The following CDH7 variants were observed in gnomAD, a reference collection of about 807,000 sequenced individuals.
CDH7 encodes cadherin-7.
Under a neutral mutation model 71.8 loss-of-function variants are expected in CDH7, and 25 were observed. The observed-to-expected ratio is 0.35, with a 90% CI of 0.25 to 0.49. CDH7 has a LOEUF of 0.49. CDH7 is among the 20% of genes least tolerant of loss of function. The pLI is 0.99. For missense variants in CDH7, 862 were observed against 974.6 expected, an observed-to-expected ratio of 0.88 and a Z score of 1.54; for synonymous variants, 381 against 363.8, an observed-to-expected ratio of 1.05 and a Z score of -0.54.
rs139689623 is a variant in CDH7, at chr18:65,843,780, T to C, written c.982-32T>C. 1.5e-3 allele frequency: 2,226 copies of C among 1,470,414 alleles called. 39 individuals carry two copies. Among genetic ancestry groups the C allele is most frequent in the African/African-American group, 5.5e-3 (385 of 69,994 alleles). 91.1% of individuals were successfully genotyped at this position (1,470,414 alleles called of 1,614,324 possible). On this transcript the variant is annotated intron_variant, in intron 6 of 11. Transcript: ENST00000397968. The stretch of plus-strand genomic sequence containing the variant: ...TCTGCTTTGCTGACTGTTTAACCGG[T>C]AATTTAATTTTCCTAACGACTTTCT...
At chr18:65,808,163 T>C (rs1484717) in intron 2 of CDH7, among the ~76,000 whole-genome samples, 90,328 of 152,132 alleles carry the variant, frequency 0.59, 28,847 homozygotes, top group East Asian at 0.97. Context: ...TCTACCCATG[T>C]AACAAACCTT....
chr18:65,781,866 C>CTCTCTG (rs1910244026), intron 2 of CDH7, among the ~76,000 whole-genome samples: 1 of 59,710 alleles, frequency 1.7e-5, no homozygotes, highest in East Asian at 4.6e-4. Context: ...TTCTTTCTTT[C>CTCTCTG]TCTCTCTCTC....
At position 65,883,321 on chromosome 18, in the gene CDH7, A is replaced by C. The variant is rs1393767705; in HGVS notation, c.*2427A>C. 1.3e-5 allele frequency: 2 copies of C among 151,942 alleles called. No homozygotes were observed. Among genetic ancestry groups the C allele is most frequent in the Non-Finnish European group, 2.9e-5 (2 of 67,934 alleles). 9.4% of individuals were successfully genotyped at this position (151,942 alleles called of 1,614,324 possible). A position where few individuals can be genotyped will look rare whatever the true frequency, so the allele number is the denominator to read the frequency against. ...ATTTATATGAAGTATTCTAAGCTTA[A>C]TTGTAATAGTAGTAAATTTTTTGCC... On this transcript the variant is annotated 3_prime_UTR_variant, in exon 12 of 12. Transcript: ENST00000397968.
intron 11 of CDH7, among the ~76,000 whole-genome samples, chr18:65,877,532 T>C (rs1914107036): frequency 1.3e-5 from 2 of 152,104 alleles, no homozygotes; most frequent in Admixed American, 1.3e-4. Context: ...ACCCTCTTTA[T>C]ACCCTTACTG....
chr18:65,842,311 A>G (rs1912761977), intron 6 of CDH7, among the ~76,000 whole-genome samples: 1 of 152,084 alleles, frequency 6.6e-6, no homozygotes, highest in African/African-American at 2.4e-5. Context: ...AGTGGCTAAG[A>G]GAGATATTAA....
At chr18:65,837,603 A>G (rs1023718561) in intron 6 of CDH7, among the ~76,000 whole-genome samples, 1 of 152,250 alleles carries the variant, frequency 6.6e-6, no homozygotes, top group South Asian at 2.1e-4. Context: ...AAAGATTTAC[A>G]TATTAAAAGG....
chr18:65,839,650 T>G (rs1912657537), intron 6 of CDH7, among the ~76,000 whole-genome samples: 1 of 152,232 alleles, frequency 6.6e-6, no homozygotes, highest in Non-Finnish European at 1.5e-5. Context: ...AAAAAAGTTT[T>G]ATTACATGGG....
chr18:65,817,330 T>C (rs986677576), intron 4 of CDH7, among the ~76,000 whole-genome samples: 4 of 152,192 alleles, frequency 2.6e-5, no homozygotes, highest in Non-Finnish European at 4.4e-5. Context: ...TCTCATTCTA[T>C]GCAAGAGTGC....
At chr18:65,782,150 CTTTCTTTCTTT>C (rs1910321356) in intron 2 of CDH7, among the ~76,000 whole-genome samples, 2 of 105,490 alleles carry the variant, frequency 1.9e-5, no homozygotes, top group Non-Finnish European at 3.5e-5. Flanking sequence ...TTCTTTCTTT[CTTTCTTTCTTT>C]CTTCCTTTCT....
chr18:65,843,849 G>A lies in CDH7; in HGVS notation c.1019G>A (p.Arg340Gln), dbSNP rs1420186009. 6 of 1,576,392 alleles carry A rather than the reference G, an allele frequency of 3.8e-6. No homozygotes were observed. The highest frequency in any genetic ancestry group is 2.6e-6 in the Non-Finnish European group (3 of 1,159,160). The change falls in exon 7 of 12, where the codon CGG becomes CAG. Residue 340 changes from arginine to glutamine, a missense_variant. Coordinates refer to ENST00000397968, the MANE Select transcript of CDH7 (RefSeq NM_004361.5). Reference protein sequence around the residue: ...DFEAKTSYTLRIEAANKDADP... With the variant: ...DFEAKTSYTLQIEAANKDADP... The stretch of plus-strand genomic sequence containing the variant: ...GAAGCCAAAACAAGTTACACGCTAC[G>A]GATAGAAGCTGCAAATAAAGATGCC...
At chr18:65,769,595 G>A (rs1017560217) in intron 2 of CDH7, among the ~76,000 whole-genome samples, 1 of 152,106 alleles carries the variant, frequency 6.6e-6, no homozygotes, top group African/African-American at 2.4e-5. Context: ...AAATTTGCCA[G>A]TTGTTCTAAT....
At chr18:65,863,116 C>T (rs1275026086) in intron 11 of CDH7, 199 bp downstream of exon 11, 6 of 606,178 alleles carry the variant, frequency 9.9e-6, no homozygotes, top group Non-Finnish European at 1.7e-5. Flanking sequence ...GGGCTCACTG[C>T]AGCCTCTGCC....
chr18:65,855,061 G>T (rs1001779570), intron 7 of CDH7, among the ~76,000 whole-genome samples: 29 of 151,892 alleles, frequency 1.9e-4, no homozygotes, highest in African/African-American at 6.0e-4. Flanking sequence ...GAGCCATCAG[G>T]CCTCTAAAAA....
At chr18:65,755,175 C>T (rs1400243676) in intron 1 of CDH7, among the ~76,000 whole-genome samples, 1 of 152,140 alleles carries the variant, frequency 6.6e-6, no homozygotes, top group African/African-American at 2.4e-5. Context: ...CCAGAATGAG[C>T]AATTTTTAAC....
chr18:65,782,071 T>TTCCC (rs1910297813), intron 2 of CDH7, among the ~76,000 whole-genome samples: 1 of 61,176 alleles, frequency 1.6e-5, no homozygotes, highest in African/African-American at 1.6e-4. Context: ...CCTTTCTTTC[T>TTCCC]TTCTTTCTTT....
intron 2 of CDH7, among the ~76,000 whole-genome samples, chr18:65,786,029 A>C (rs984702947): frequency 2.6e-5 from 4 of 152,144 alleles, no homozygotes; most frequent in Non-Finnish European, 4.4e-5. Flanking sequence ...CCTAGGCCCC[A>C]AGATATTACC....
At chr18:65,791,155 GT>G (rs1324737504) in intron 2 of CDH7, among the ~76,000 whole-genome samples, 5 of 152,158 alleles carry the variant, frequency 3.3e-5, no homozygotes. Context: ...TGACACCTTT[GT>G]CTTTTAGTCT....
intron 1 of CDH7, among the ~76,000 whole-genome samples, chr18:65,758,979 A>C (rs1192400665): frequency 6.6e-6 from 1 of 152,180 alleles, no homozygotes; most frequent in East Asian, 1.9e-4. Flanking sequence ...TGAGTTGCTC[A>C]ATTATCAAGT....
intron 2 of CDH7, 137 bp from the exon 3 acceptor site, chr18:65,809,567 C>A: frequency 1.4e-6 from 1 of 690,576 alleles, no homozygotes; most frequent in South Asian, 1.9e-5. Context: ...CTGCTGTGCA[C>A]AATAAGCGTT....
Sources: gnomAD v4.1 joint callset for allele counts (sites outside exome capture counted in the v4.1 genomes callset) on GRCh38, gnomAD v4.1.1 for gene constraint, MANE v1.5 for transcripts, NCBI Gene and HGNC (gene_info 2026-07-23, HGNC 2026-07-21) for gene names.